Variants in DOCK3 observed in about 807,000 individuals in gnomAD.
DOCK3 encodes dedicator of cytokinesis 3, also known as dedicator of cytokinesis protein 3.
Under a neutral mutation model 265.6 loss-of-function variants are expected in DOCK3, and 60 were observed. The ratio of observed to expected loss-of-function variants is 0.23; its 90% CI spans 0.18 to 0.28. The LOEUF (loss-of-function observed/expected upper bound fraction) is 0.28, where lower values mean the gene tolerates loss of function less well. Ranked by LOEUF, DOCK3 falls within the 10% of genes least tolerant of loss-of-function variation. The pLI is 1.00. For synonymous variants in DOCK3, 881 were observed against 938.0 expected (o/e 0.94, Z 1.11); for missense variants, 1,981 against 2,594.3 (o/e 0.76, Z 5.14).
In DOCK3 at chr3:51,146,458, A is replaced by G. The variant is rs566440309; in HGVS notation, c.747-91A>G. 2.3e-5 allele frequency: 31 copies of G among 1,325,566 alleles called. 1 individual carries two copies. The Admixed American group carries it at 6.5e-4, about 28-fold the overall frequency. The allele number at this position is 1,325,566 out of a possible 1,614,324, so 82.1% of individuals were successfully genotyped here. On this transcript the variant is annotated intron_variant, in intron 9 of 52. Coordinates refer to ENST00000266037, the MANE Select transcript of DOCK3 (RefSeq NM_004947.5). ...CTTGTCACTGCAAGCTGTTATGTAAATATGTTTAGTGTTTTTCCGTATCTG... is the reference window on the plus strand; with the variant it reads ...CTTGTCACTGCAAGCTGTTATGTAAGTATGTTTAGTGTTTTTCCGTATCTG...
intron 12 of DOCK3, among the ~76,000 whole-genome samples, chr3:51,179,378 A>G (rs1267983783): frequency 6.6e-6 from 1 of 152,182 alleles, no homozygotes; most frequent in Non-Finnish European, 1.5e-5. Context: ...TTATTTAACA[A>G]TTTCAAGTTA....
intron 21 of DOCK3, among the ~76,000 whole-genome samples, chr3:51,240,631 A>G (rs959775765): frequency 2.0e-5 from 3 of 152,176 alleles, no homozygotes; most frequent in Admixed American, 2.0e-4. Context: ...TTGGGTGCAT[A>G]TATACTTAAG....
intron 5 of DOCK3, among the ~76,000 whole-genome samples, chr3:50,979,941 TTTTC>T (rs1406093757): frequency 8.5e-5 from 13 of 152,208 alleles, no homozygotes; most frequent in Non-Finnish European, 1.6e-4. Flanking sequence ...CTTGTATGCC[TTTTC>T]TTTCTTTCTC....
At chr3:51,009,401 T>G (rs1183122070) in intron 5 of DOCK3, among the ~76,000 whole-genome samples, 1 of 152,092 alleles carries the variant, frequency 6.6e-6, no homozygotes, top group African/African-American at 2.4e-5. Context: ...TAGTTTATTT[T>G]TATAGAGGTG....
chr3:50,719,794 A>G, intron 1 of DOCK3: 1 of 841,434 alleles, frequency 1.2e-6, no homozygotes, highest in Admixed American at 1.7e-5. Context: ...CTACCCTGAC[A>G]CATAAACTCT....
At chr3:51,285,930 A>C (rs2081380454) in intron 27 of DOCK3, among the ~76,000 whole-genome samples, 6 of 152,192 alleles carry the variant, frequency 3.9e-5, no homozygotes, top group Admixed American at 3.3e-4. Flanking sequence ...GCATGACTCC[A>C]TCTCAAATGA....
At chr3:50,833,138 T>TA (rs2045292621) in intron 2 of DOCK3, among the ~76,000 whole-genome samples, 2 of 152,154 alleles carry the variant, frequency 1.3e-5, no homozygotes, top group Non-Finnish European at 2.9e-5. Flanking sequence ...AGAATATTGA[T>TA]ACAGAGTTTT....
chr3:50,803,171 A>G (rs2108687392), intron 2 of DOCK3, among the ~76,000 whole-genome samples: 1 of 152,136 alleles, frequency 6.6e-6, no homozygotes, highest in Middle Eastern at 3.4e-3. Context: ...AGGTCAGCAG[A>G]TAAACATGTG....
intron 9 of DOCK3, among the ~76,000 whole-genome samples, chr3:51,135,343 T>A (rs959795701): frequency 6.6e-6 from 1 of 152,238 alleles, no homozygotes; most frequent in Non-Finnish European, 1.5e-5. Flanking sequence ...TCTCTGGAGT[T>A]CTTTCTATGT....
chr3:51,252,576 G>C (rs1408480237), intron 22 of DOCK3, among the ~76,000 whole-genome samples: 2 of 152,004 alleles, frequency 1.3e-5, no homozygotes, highest in Admixed American at 6.6e-5. Flanking sequence ...GAGGTCCTTC[G>C]CATCCCTTGC....
intron 49 of DOCK3, among the ~76,000 whole-genome samples, chr3:51,367,859 T>C (rs111636869): frequency 0.083 from 12,594 of 152,304 alleles, 1,171 homozygotes; most frequent in East Asian, 0.33. Context: ...CTGAGAGATC[T>C]GCTGTTAGTC....
At chr3:51,379,677 CG>C in intron 51 of DOCK3, 1 of 976,124 alleles carries the variant, frequency 1.0e-6, no homozygotes, top group Middle Eastern at 5.3e-4. Context: ...TTCTCTGGGC[CG>C]ACTCAGCCAA....
intron 6 of DOCK3, among the ~76,000 whole-genome samples, chr3:51,070,514 A>T (rs1414975943): frequency 1.3e-5 from 2 of 152,186 alleles, no homozygotes; most frequent in South Asian, 2.1e-4. Context: ...AAGTGCTTAG[A>T]GATGATGTAC....
chr3:50,787,965 C>A, intron 2 of DOCK3: 1 of 894,956 alleles, frequency 1.1e-6, no homozygotes, highest in Non-Finnish European at 1.8e-6. Flanking sequence ...TCCTCTTCTT[C>A]CTCCTCCTCT....
intron 12 of DOCK3, among the ~76,000 whole-genome samples, chr3:51,168,048 A>G (rs926893125): frequency 3.3e-5 from 5 of 152,160 alleles, no homozygotes; most frequent in African/African-American, 7.2e-5. Context: ...GCTTTTCACT[A>G]TTGAATATGA....
intron 21 of DOCK3, among the ~76,000 whole-genome samples, chr3:51,239,775 G>A (rs1477532732): frequency 6.6e-6 from 1 of 151,848 alleles, no homozygotes; most frequent in East Asian, 1.9e-4. Flanking sequence ...ATGGTTATTT[G>A]TATTTCTGTG....
At position 51,381,755 on chromosome 3, in the gene DOCK3, T is replaced by C. The variant is rs1463237147; in HGVS notation, c.*196T>C. ...ACAGAGGCCACAGCAGCATGAAGGG[T>C]TGTGGCTTCCCTTTTTATTTTTTTA... On this transcript the variant is annotated 3_prime_UTR_variant, in exon 53 of 53. Coordinates refer to ENST00000266037, the MANE Select transcript of DOCK3 (RefSeq NM_004947.5). This position sits in a 1 kb window ranked among gnomAD's most constrained non-coding sequence, Gnocchi z 5.6. The C allele has an allele frequency of 1.7e-6, 1 of 595,040 alleles. No individual in the cohort carries two copies. The highest frequency in any genetic ancestry group is 2.6e-6 in the Non-Finnish European group (1 of 382,984). 36.9% of individuals were successfully genotyped at this position (595,040 alleles called of 1,614,324 possible). A position where few individuals can be genotyped will look rare whatever the true frequency, so the allele number is the denominator to read the frequency against.
Position 51,341,319 on chromosome 3 carries a change from G to T in DOCK3, c.3849G>T (p.Ser1283=). 1.9e-6 allele frequency: 3 copies of T among 1,613,622 alleles called. No individual in the cohort carries two copies. The highest frequency in any genetic ancestry group is 2.5e-6 in the Non-Finnish European group (3 of 1,179,708). Reference sequence around the variant, plus strand: ...TACGGGAATTCCTCCACTACCCATCGCAGACAGAGTGGCAGCGGAAGGAGG... The same window carrying T: ...TACGGGAATTCCTCCACTACCCATCTCAGACAGAGTGGCAGCGGAAGGAGG... ...RPLREFLHYP[S]QTEWQRKEGL... The change falls in exon 38 of 53, where the codon TCG becomes TCT. Residue 1283 remains serine (S), a synonymous_variant. Coordinates refer to ENST00000266037, the MANE Select transcript of DOCK3 (RefSeq NM_004947.5).
intron 9 of DOCK3, among the ~76,000 whole-genome samples, chr3:51,109,016 C>T (rs894587257): frequency 2.2e-4 from 34 of 151,896 alleles, no homozygotes; most frequent in African/African-American, 7.5e-4. Context: ...GAACTCAACA[C>T]TGGACCAAAT....
Sources: gnomAD v4.1 joint callset for allele counts (sites outside exome capture counted in the v4.1 genomes callset) on GRCh38, gnomAD v4.1.1 for gene constraint, Gnocchi (gnomAD v3.1) non-coding constraint, MANE v1.5 for transcripts, NCBI Gene and HGNC (gene_info 2026-07-23, HGNC 2026-07-21) for gene names.